Variants in TTC17 observed in about 807,000 individuals in gnomAD.
The protein encoded by TTC17 is tetratricopeptide repeat protein 17.
In TTC17, 58 loss-of-function variants were observed where a neutral mutation model predicts 143.8. That is an observed-to-expected ratio of 0.40 (90% CI 0.33 to 0.50). The LOEUF is 0.50. TTC17 is among the 20% of genes least tolerant of loss of function. The pLI is 0.49. For synonymous variants in TTC17, 501 were observed against 497.8 expected (o/e 1.01, Z -0.09); for missense variants, 1,273 against 1,392.5 (o/e 0.91, Z 1.37).
chr11:43,475,719 G>A (rs1278371038), intron 21 of TTC17, among the ~76,000 whole-genome samples: 1 of 152,172 alleles, frequency 6.6e-6, no homozygotes, highest in Non-Finnish European at 1.5e-5. Flanking sequence ...GAGCATTTCA[G>A]TTATCACGTT....
In TTC17 at chr11:43,399,872, A is replaced by C. The variant is rs375863903; in HGVS notation, c.1059-16A>C. On this transcript the variant is annotated splice_polypyrimidine_tract_variant and intron_variant, in intron 8 of 23. Coordinates refer to ENST00000039989, the MANE Select transcript of TTC17 (RefSeq NM_018259.6). Reference sequence around the variant, plus strand: ...TTTATAGCTCTAACTTTTTCCTGGTATTAAAAAATGTTAAGATCTCTCCAG... The same window carrying C: ...TTTATAGCTCTAACTTTTTCCTGGTCTTAAAAAATGTTAAGATCTCTCCAG... 3 of 1,576,838 alleles carry C rather than the reference A, an allele frequency of 1.9e-6. No homozygotes were observed. Among genetic ancestry groups the C allele is most frequent in the Non-Finnish European group, 2.6e-6 (3 of 1,165,338 alleles).
intron 20 of TTC17, among the ~76,000 whole-genome samples, chr11:43,450,698 G>GGC (rs953765704): frequency 8.6e-5 from 13 of 152,020 alleles, no homozygotes; most frequent in Non-Finnish European, 1.9e-4. Context: ...AGTATACAGT[G>GGC]GCACCATTAG....
intron 16 of TTC17, among the ~76,000 whole-genome samples, chr11:43,423,377 G>A (rs1454748234): frequency 1.3e-5 from 2 of 152,202 alleles, no homozygotes; most frequent in Non-Finnish European, 2.9e-5. Flanking sequence ...ATTTGGAGAT[G>A]CCTCTGATTC....
At chr11:43,468,756 A>G (rs781069346) in intron 21 of TTC17, among the ~76,000 whole-genome samples, 8 of 152,146 alleles carry the variant, frequency 5.3e-5, no homozygotes, top group Non-Finnish European at 8.8e-5. Flanking sequence ...GCAACATAGC[A>G]AGACCCCATC....
At chr11:43,451,588 C>T (rs564286619) in intron 21 of TTC17, among the ~76,000 whole-genome samples, 1 of 152,244 alleles carries the variant, frequency 6.6e-6, no homozygotes, top group East Asian at 1.9e-4. Flanking sequence ...AGATATTCTT[C>T]TGATGGTGAA....
intron 21 of TTC17, among the ~76,000 whole-genome samples, chr11:43,471,451 A>G (rs1021789605): frequency 2.6e-5 from 4 of 152,200 alleles, no homozygotes; most frequent in Non-Finnish European, 5.9e-5. Context: ...GCCCGTCATC[A>G]ATGCCTAGTT....
Position 43,451,208 on chromosome 11 carries a change from A to C in TTC17, c.2973A>C (p.Gln991His), listed in dbSNP as rs940519694. The C allele has an allele frequency of 6.2e-7, 1 of 1,613,738 alleles. No individual in the cohort carries two copies. Among genetic ancestry groups the C allele is most frequent in the Non-Finnish European group, 8.5e-7 (1 of 1,179,744 alleles). Residue 991 changes from glutamine (Q) to histidine (H), a missense_variant, in exon 21 of 24, where the codon CAA (glutamine) becomes CAC (histidine). Around this residue, in one of 3 missense-constraint regions of TTC17, gnomAD observed 878 missense variants for 899.8 expected, o/e 0.98. Transcript: ENST00000039989. The stretch of plus-strand genomic sequence containing the variant: ...TATTACAAAATCTCGGCAAAGACCA[A>C]TATCCACAACAGTCGCTTGAACAGA... ...TEVLQNLGKD[Q>H]YPQQSLEQIG... is the part of the protein sequence containing the mutation.
At chr11:43,403,794 A>T (rs372967464) in intron 10 of TTC17, among the ~76,000 whole-genome samples, 1 of 152,220 alleles carries the variant, frequency 6.6e-6, no homozygotes, top group Non-Finnish European at 1.5e-5. Flanking sequence ...TGGCAAAGTT[A>T]TTGAAAGTTG....
intron 16 of TTC17, among the ~76,000 whole-genome samples, chr11:43,441,275 CAAAAA>C (rs770291331): frequency 7.6e-6 from 1 of 131,066 alleles, no homozygotes; most frequent in African/African-American, 2.9e-5. Flanking sequence ...GACTCTATCT[CAAAAA>C]AAAAAAAAAA....
At chr11:43,454,787 G>A (rs1947730876) in intron 21 of TTC17, among the ~76,000 whole-genome samples, 1 of 151,894 alleles carries the variant, frequency 6.6e-6, no homozygotes, top group South Asian at 2.1e-4. Context: ...ATAATAATTA[G>A]TATTTATGTA....
At chr11:43,428,019 C>A (rs1183395397) in intron 16 of TTC17, among the ~76,000 whole-genome samples, 1 of 152,128 alleles carries the variant, frequency 6.6e-6, no homozygotes, top group Non-Finnish European at 1.5e-5. Flanking sequence ...TAAGTAGATA[C>A]AAATCTCCTT....
chr11:43,442,175 T>G (rs1370492635), intron 16 of TTC17, among the ~76,000 whole-genome samples: 1 of 152,190 alleles, frequency 6.6e-6, no homozygotes, highest in African/African-American at 2.4e-5. Flanking sequence ...CATATTTAAA[T>G]GCAGAAAAGG....
In TTC17 at chr11:43,423,323, G is replaced by T. The variant is rs185006656; in HGVS notation, c.2251+8547G>T. Among the ~76,000 whole-genome samples, 5 of 152,342 alleles carry T rather than the reference G, an allele frequency of 3.3e-5. No individual in the cohort carries two copies. In the East Asian group the frequency reaches 9.6e-4, roughly 29 times the overall value. On this transcript the variant is annotated intron_variant, in intron 16 of 23. Coordinates refer to ENST00000039989, the MANE Select transcript of TTC17 (RefSeq NM_018259.6). ...GGAATACAGAGGAGAAATCATCTATGCATTGATGTGCTGGGAATAGCAAGT... is the reference window on the plus strand; with the variant it reads ...GGAATACAGAGGAGAAATCATCTATTCATTGATGTGCTGGGAATAGCAAGT...
chr11:43,475,947 GGCGTT>G (rs1436552719), intron 21 of TTC17, among the ~76,000 whole-genome samples: 2 of 152,142 alleles, frequency 1.3e-5, no homozygotes, highest in Admixed American at 6.5e-5. Flanking sequence ...TGAGAATGAT[GGCGTT>G]AACACCTGTG....
chr11:43,390,583 T>C (rs574406450), intron 3 of TTC17, among the ~76,000 whole-genome samples: 1 of 138,198 alleles, frequency 7.2e-6, no homozygotes, highest in Non-Finnish European at 1.6e-5. Flanking sequence ...ACCACTGCAC[T>C]CCAGCCTGGG....
intron 21 of TTC17, among the ~76,000 whole-genome samples, chr11:43,453,179 T>TAA (rs1554936881): frequency 5.5e-4 from 2 of 3,604 alleles, no homozygotes; most frequent in Non-Finnish European, 2.1e-3. Context: ...GTGACGAAAA[T>TAA]AAGAGAGTTA....
chr11:43,375,138 A>C (rs906314076), intron 1 of TTC17, among the ~76,000 whole-genome samples: 1 of 152,172 alleles, frequency 6.6e-6, no homozygotes, highest in Admixed American at 6.5e-5. Flanking sequence ...CGTCATCCCC[A>C]TTCTCAGGCC....
chr11:43,428,516 C>T (rs1947080024), intron 16 of TTC17, among the ~76,000 whole-genome samples: 1 of 152,156 alleles, frequency 6.6e-6, no homozygotes, highest in African/African-American at 2.4e-5. Flanking sequence ...ATCTGTGTCT[C>T]AACTGGTGCT....
rs775588765 is a variant in TTC17 at position 43,358,944 on chromosome 11, G to A, written c.-11G>A. On this transcript the variant is annotated 5_prime_UTR_variant, in exon 1 of 24. Coordinates refer to ENST00000039989, the MANE Select transcript of TTC17 (RefSeq NM_018259.6). ...CGCTTCCGGTGTGAGCGGCCCGGCC[G>A]GGGGGGCAAGATGGCGGCGGCAGTA... The A allele has an allele frequency of 9.6e-6, 15 of 1,562,466 alleles. No individual in the cohort carries two copies. The highest frequency in any genetic ancestry group is 2.3e-5 in the South Asian group (2 of 85,890).
Sources: gnomAD v4.1 joint callset for allele counts (sites outside exome capture counted in the v4.1 genomes callset) on GRCh38, gnomAD v4.1.1 for gene constraint, gnomAD v4.1.1 regional missense constraint, MANE v1.5 for transcripts, NCBI Gene and HGNC (gene_info 2026-07-23, HGNC 2026-07-21) for gene names.